The following FER variants were observed in gnomAD, a reference collection of about 807,000 sequenced individuals.
FER encodes FER tyrosine kinase, also known as tyrosine-protein kinase Fer.
FER carries 63 observed loss-of-function variants against 111.0 expected under a neutral mutation model. The ratio of observed to expected loss-of-function variants is 0.57; its 90% confidence interval spans 0.46 to 0.70. The LOEUF is 0.70. FER is among the 30% of genes least tolerant of loss of function. The probability of loss-of-function intolerance (pLI) is 0.00; values close to 1 mark genes in which losing one functional copy is unlikely to be tolerated. For synonymous variants in FER, 327 were observed against 313.9 expected (o/e 1.04, Z -0.44); for missense variants, 914 against 954.0 (o/e 0.96, Z 0.55).
chr5:108,965,711 T>A (rs1759717757), intron 13 of FER, among the ~76,000 whole-genome samples: 1 of 152,148 alleles, frequency 6.6e-6, no homozygotes, highest in South Asian at 2.1e-4. Flanking sequence ...TCATAATCTC[T>A]ACTATCTGAT....
Position 109,195,276 on chromosome 5 carries a change from G to A in FER, c.*7701G>A, listed in dbSNP as rs1313040966. On this transcript the variant is annotated 3_prime_UTR_variant, in exon 20 of 20. Coordinates refer to ENST00000281092, the MANE Select transcript of FER (RefSeq NM_005246.4). The stretch of plus-strand genomic sequence containing the variant: ...ATTTAGACTATAAGATGCTATGGAG[G>A]TCTATCCCATGCCATGCCAATGTGA... 1 of 152,090 alleles carries A rather than the reference G, an allele frequency of 6.6e-6. No individual in the cohort carries two copies. The highest frequency in any genetic ancestry group is 1.5e-5 in the Non-Finnish European group (1 of 68,014). The allele number at this position is 152,090 out of a possible 1,614,324, so 9.4% of individuals were successfully genotyped here.
At chr5:108,967,309 G>GAACAAAAAAGCAAAAACC (rs1320496451) in intron 13 of FER, among the ~76,000 whole-genome samples, 1 of 152,194 alleles carries the variant, frequency 6.6e-6, no homozygotes, top group African/African-American at 2.4e-5. Flanking sequence ...GGACATGAGA[G>GAACAAAAAAGCAAAAACC]TGGTCAGCTA....
intron 13 of FER, among the ~76,000 whole-genome samples, chr5:109,017,342 GTATTT>G (rs1296995482): frequency 6.6e-6 from 1 of 151,868 alleles, no homozygotes; most frequent in Non-Finnish European, 1.5e-5. Context: ...AGAATTTAAA[GTATTT>G]TATTTCATAC....
chr5:108,938,676 T>C (rs888205432), intron 10 of FER, among the ~76,000 whole-genome samples: 1 of 151,892 alleles, frequency 6.6e-6, no homozygotes, highest in African/African-American at 2.4e-5. Flanking sequence ...AGATGATTGA[T>C]TGGGAGAAAG....
At chr5:108,869,438 A>C (rs10037675) in intron 6 of FER, among the ~76,000 whole-genome samples, 33,602 of 151,996 alleles carry the variant, frequency 0.22, 3,913 homozygotes, top group African/African-American at 0.28. Context: ...CAGAATGTGA[A>C]CTTATTTGGA....
chr5:108,954,067 A>G (rs1758112082), intron 11 of FER, among the ~76,000 whole-genome samples: 1 of 152,142 alleles, frequency 6.6e-6, no homozygotes, highest in Admixed American at 6.6e-5. Flanking sequence ...CTCATGGTTT[A>G]TAACCACTCC....
rs578104852 is a variant in FER at position 109,003,910 on chromosome 5, G to T, written c.1657-33512G>T. Among the ~76,000 whole-genome samples, 25 of 152,290 alleles carry T rather than the reference G, an allele frequency of 1.6e-4. 1 individual carries two copies. In the South Asian group the frequency reaches 2.9e-3, roughly 18 times the overall value. On this transcript the variant is annotated intron_variant, in intron 13 of 19. Coordinates refer to ENST00000281092, the MANE Select transcript of FER (RefSeq NM_005246.4). ...TGGGAGGATCACTTAAGCCCAGGGG[G>T]TTGAGGCTGTAGTGAGCTGTGATCA...
At chr5:108,947,861 A>G (rs1170422608) in intron 11 of FER, among the ~76,000 whole-genome samples, 1 of 151,592 alleles carries the variant, frequency 6.6e-6, no homozygotes, top group Non-Finnish European at 1.5e-5. Context: ...AGTGAGGTAC[A>G]GGTTCAAATT....
At chr5:109,127,665 A>G (rs1028996540) in intron 17 of FER, among the ~76,000 whole-genome samples, 1 of 152,134 alleles carries the variant, frequency 6.6e-6, no homozygotes. Context: ...ATGGCCTCCC[A>G]AAGTGCTGGG....
chr5:108,969,971 A>G (rs1250483790), intron 13 of FER, among the ~76,000 whole-genome samples: 1 of 148,086 alleles, frequency 6.8e-6, no homozygotes, highest in Non-Finnish European at 1.5e-5. Flanking sequence ...TGTTTGTAAT[A>G]TGAACATTTT....
Position 108,959,211 on chromosome 5 carries a change from T to C in FER, c.1534-14T>C. 3 of 1,607,094 alleles carry C rather than the reference T, an allele frequency of 1.9e-6. No individual in the cohort carries two copies. Among genetic ancestry groups the C allele is most frequent in the Non-Finnish European group, 2.5e-6 (3 of 1,177,092 alleles). ...TGTCTTCACATTTATTCTACCTTAT[T>C]GTTCTCTCTCCAGAACATGTATCGA... On this transcript the variant is annotated splice_polypyrimidine_tract_variant and intron_variant, in intron 12 of 19. Coordinates refer to ENST00000281092, the MANE Select transcript of FER (RefSeq NM_005246.4).
At chr5:109,179,143 A>G (rs1042164196) in intron 17 of FER, among the ~76,000 whole-genome samples, 1 of 146,824 alleles carries the variant, frequency 6.8e-6, no homozygotes, top group African/African-American at 2.4e-5. Context: ...TATTCTGTGT[A>G]AAAAACATCA....
chr5:109,025,227 T>C (rs1410133503), intron 13 of FER, among the ~76,000 whole-genome samples: 41 of 152,124 alleles, frequency 2.7e-4, no homozygotes, highest in East Asian at 7.7e-4. Flanking sequence ...GCCATTTTCA[T>C]GATATTGATT....
chr5:108,759,471 T>A (rs1192748032), intron 1 of FER, among the ~76,000 whole-genome samples: 1 of 152,260 alleles, frequency 6.6e-6, no homozygotes, highest in East Asian at 1.9e-4. Flanking sequence ...TTTTTAGGTA[T>A]TTGTTATAGC....
intron 12 of FER, among the ~76,000 whole-genome samples, chr5:108,957,015 T>C (rs1758514488): frequency 6.6e-6 from 1 of 151,374 alleles, no homozygotes; most frequent in Non-Finnish European, 1.5e-5. Flanking sequence ...TTTAGAGGAG[T>C]TAAAAATATT....
intron 13 of FER, among the ~76,000 whole-genome samples, chr5:108,992,494 C>T (rs1218549774): frequency 3.3e-5 from 5 of 149,322 alleles, no homozygotes; most frequent in Admixed American, 6.7e-5. Flanking sequence ...GGTGGCTGGC[C>T]GGGCGGGGGG....
chr5:108,764,585 T>G (rs1752109060), intron 1 of FER, among the ~76,000 whole-genome samples: 1 of 151,976 alleles, frequency 6.6e-6, no homozygotes, highest in Non-Finnish European at 1.5e-5. Flanking sequence ...TTAGTAGAGA[T>G]GGGGTTTCTC....
intron 14 of FER, among the ~76,000 whole-genome samples, chr5:109,038,925 A>G (rs1770769925): frequency 6.6e-6 from 1 of 152,044 alleles, no homozygotes; most frequent in Non-Finnish European, 1.5e-5. Context: ...ATCTCCTTAG[A>G]CTATTTCAAA....
At chr5:109,004,080 G>A (rs1160285161) in intron 13 of FER, among the ~76,000 whole-genome samples, 1 of 152,112 alleles carries the variant, frequency 6.6e-6, no homozygotes, top group Non-Finnish European at 1.5e-5. Flanking sequence ...AATGGTATGA[G>A]GAAGTGAGCA....
Sources: allele counts gnomAD v4.1 joint callset (sites outside exome capture counted in the v4.1 genomes callset), GRCh38; gene constraint gnomAD v4.1.1; transcripts MANE v1.5; gene names NCBI Gene and HGNC (gene_info 2026-07-23, HGNC 2026-07-21).